Variants in HSF2BP observed in about 807,000 individuals in gnomAD.
HSF2BP encodes heat shock factor 2-binding protein.
HSF2BP carries 35 observed loss-of-function variants against 35.0 expected under a neutral mutation model. The observed-to-expected ratio is 1.00, with a 90% CI of 0.76 to 1.32. HSF2BP has a LOEUF of 1.32. HSF2BP is among the 40% of genes most tolerant of loss of function. The probability of loss-of-function intolerance (pLI) is 0.00; values close to 1 mark genes in which losing one functional copy is unlikely to be tolerated. For synonymous variants in HSF2BP, 114 were observed against 117.4 expected, an observed-to-expected ratio of 0.97 and a Z score of 0.18; for missense variants, 326 against 321.7, an observed-to-expected ratio of 1.01 and a Z score of -0.10.
intron 4 of HSF2BP, among the ~76,000 whole-genome samples, chr21:43,641,149 C>T (rs998725606): frequency 6.6e-5 from 10 of 152,138 alleles, no homozygotes; most frequent in Non-Finnish European, 1.3e-4. Flanking sequence ...CCCACCACCA[C>T]GCCTGGCTAA....
chr21:43,468,055 ACACACACCATACCACAAAC>A, the HSF2BP span, among the ~76,000 whole-genome samples: 12 of 132,460 alleles, frequency 9.1e-5, no homozygotes, highest in East Asian at 2.6e-3. Flanking sequence ...CAACCATACC[ACACACACCATACCACAAAC>A]CACACACAAC....
intron 4 of HSF2BP, among the ~76,000 whole-genome samples, chr21:43,643,800 T>C (rs924211508): frequency 6.6e-6 from 1 of 151,852 alleles, no homozygotes; most frequent in African/African-American, 2.4e-5. Context: ...CTACTAAAAA[T>C]ACAAAAACTT....
chr21:43,622,445 T>C (rs2082341194), intron 6 of HSF2BP, among the ~76,000 whole-genome samples: 1 of 151,776 alleles, frequency 6.6e-6, no homozygotes, highest in African/African-American at 2.4e-5. Context: ...ACTTCACCCA[T>C]AAAGGCACAT....
chr21:43,598,988 C>T (rs766114688), intron 7 of HSF2BP, among the ~76,000 whole-genome samples: 11 of 152,168 alleles, frequency 7.2e-5, no homozygotes, highest in Non-Finnish European at 1.2e-4. Flanking sequence ...TGACACTTTA[C>T]GGAAAAAGTT....
chr21:43,573,595 C>T (rs532812088), intron 8 of HSF2BP, among the ~76,000 whole-genome samples: 1 of 152,330 alleles, frequency 6.6e-6, no homozygotes, highest in African/African-American at 2.4e-5. Context: ...AACACTGCTG[C>T]TTCCCCAGCT....
chr21:43,590,706 G>A (rs536536860), intron 8 of HSF2BP, among the ~76,000 whole-genome samples: 1 of 152,286 alleles, frequency 6.6e-6, no homozygotes, highest in South Asian at 2.1e-4. Flanking sequence ...AATCAACATG[G>A]ATGGATCTCA....
chr21:43,642,296 G>C (rs992647753), intron 4 of HSF2BP, among the ~76,000 whole-genome samples: 3 of 151,900 alleles, frequency 2.0e-5, no homozygotes, highest in Non-Finnish European at 4.4e-5. Flanking sequence ...CCAGGAGGTC[G>C]AAGCTACTGC....
At chr21:43,573,865 C>G (rs528247090) in intron 8 of HSF2BP, among the ~76,000 whole-genome samples, 1 of 152,196 alleles carries the variant, frequency 6.6e-6, no homozygotes, top group East Asian at 1.9e-4. Context: ...CCACTTTGCT[C>G]GATTCCCAAC....
intron 6 of HSF2BP, among the ~76,000 whole-genome samples, chr21:43,627,687 C>T (rs780256122): frequency 6.6e-6 from 1 of 152,200 alleles, no homozygotes; most frequent in Non-Finnish European, 1.5e-5. Context: ...GTCTCTGTAA[C>T]AGTCACTACA....
rs1454544114 is a variant in HSF2BP, at chr21:43,630,245, G to T, written c.574+77C>A. 1.0e-5 allele frequency: 13 copies of T among 1,291,102 alleles called. No homozygotes were observed. In the Admixed American group the frequency reaches 3.5e-4, roughly 34 times the overall value. 80.0% of individuals were successfully genotyped at this position (1,291,102 alleles called of 1,614,324 possible). Reference sequence around the variant, plus strand: ...AACCAAAAACATTCATGTGACTCATGTATTATTGCAGTATTTGCTTTACTG... The same window carrying T: ...AACCAAAAACATTCATGTGACTCATTTATTATTGCAGTATTTGCTTTACTG... On this transcript the variant is annotated intron_variant, in intron 6 of 8. Coordinates refer to ENST00000291560, the MANE Select transcript of HSF2BP (RefSeq NM_007031.2).
chr21:43,642,724 G>C (rs1465432213), intron 4 of HSF2BP, among the ~76,000 whole-genome samples: 1 of 151,892 alleles, frequency 6.6e-6, no homozygotes, highest in Non-Finnish European at 1.5e-5. Context: ...CAAAACCCTA[G>C]CGATTTCAAT....
At chr21:43,588,694 A>T (rs1017179937) in intron 8 of HSF2BP, among the ~76,000 whole-genome samples, 31 of 152,174 alleles carry the variant, frequency 2.0e-4, no homozygotes, top group African/African-American at 7.2e-4. Flanking sequence ...TTCTTATTTA[A>T]TTATTCTCTC....
chr21:43,650,252 G>A (rs559025016), intron 3 of HSF2BP, among the ~76,000 whole-genome samples: 1 of 152,184 alleles, frequency 6.6e-6, no homozygotes, highest in Non-Finnish European at 1.5e-5. Context: ...TGTCGCCCGG[G>A]CTGGAGTGCA....
intron 6 of HSF2BP, among the ~76,000 whole-genome samples, chr21:43,616,417 G>T (rs914571495): frequency 1.3e-5 from 2 of 152,212 alleles, no homozygotes; most frequent in African/African-American, 4.8e-5. Flanking sequence ...GCCAAGGTGG[G>T]TGAATCACCT....
At chr21:43,657,405 C>G (rs2082886347) in intron 2 of HSF2BP, among the ~76,000 whole-genome samples, 1 of 152,130 alleles carries the variant, frequency 6.6e-6, no homozygotes, top group African/African-American at 2.4e-5. Flanking sequence ...AAAGAAAACG[C>G]CTGCAACTTT....
intron 8 of HSF2BP, among the ~76,000 whole-genome samples, chr21:43,587,269 T>C (rs2081863733): frequency 6.6e-6 from 1 of 152,200 alleles, no homozygotes; most frequent in Admixed American, 6.5e-5. Context: ...TTAGAACAAA[T>C]GATTCTAAAG....
chr21:43,610,169 A>C (rs1345590669), intron 7 of HSF2BP, among the ~76,000 whole-genome samples: 2 of 152,186 alleles, frequency 1.3e-5, no homozygotes, highest in South Asian at 2.1e-4. Flanking sequence ...CACAAGACAC[A>C]GACAGGTGAC....
intron 7 of HSF2BP, among the ~76,000 whole-genome samples, chr21:43,594,100 C>G (rs943353556): frequency 6.6e-6 from 1 of 152,016 alleles, no homozygotes; most frequent in Non-Finnish European, 1.5e-5. Flanking sequence ...TCTATATCTA[C>G]CAAGGGTAAA....
chr21:43,642,787 CTTCT>C (rs2082654861), intron 4 of HSF2BP, among the ~76,000 whole-genome samples: 1 of 135,812 alleles, frequency 7.4e-6, no homozygotes, highest in South Asian at 2.3e-4. Context: ...ACTGGAATGG[CTTCT>C]TTTCTTTTTT....
Sources: allele counts gnomAD v4.1 joint callset (sites outside exome capture counted in the v4.1 genomes callset), GRCh38; gene constraint gnomAD v4.1.1; transcripts MANE v1.5; gene names NCBI Gene and HGNC (gene_info 2026-07-23, HGNC 2026-07-21).